PCDHGA11: variants seen among roughly 807,000 people sequenced by gnomAD.
PCDHGA11 encodes protocadherin gamma-A11.
In PCDHGA11, 39 loss-of-function variants were observed where a neutral mutation model predicts 60.4. That is an observed-to-expected ratio of 0.65 (90% CI 0.50 to 0.84). The LOEUF is 0.84. Among genes scored for constraint, PCDHGA11 ranks in the 40% least tolerant of loss-of-function variants. PCDHGA11 has a pLI of 0.00. For synonymous variants in PCDHGA11, 533 were observed against 510.3 expected (o/e 1.04, Z -0.60); for missense variants, 1,165 against 1,197.7 (o/e 0.97, Z 0.40).
intron 1 of PCDHGA11, among the ~76,000 whole-genome samples, chr5:141,460,454 T>C (rs1010186960): frequency 6.6e-6 from 1 of 152,194 alleles, no homozygotes; most frequent in Admixed American, 6.6e-5. Context: ...TGAAGATTCA[T>C]ATTTTTTTCC....
chr5:141,454,464 T>C (rs1365696226), intron 1 of PCDHGA11, among the ~76,000 whole-genome samples: 1 of 152,196 alleles, frequency 6.6e-6, no homozygotes, highest in Non-Finnish European at 1.5e-5. Flanking sequence ...TGGAGTGCAA[T>C]GGCATGATCT....
rs2099746867 is a variant in PCDHGA11, at chr5:141,493,199, C to T, written c.2434-1608C>T. Among the ~76,000 whole-genome samples the T allele has an allele frequency of 6.6e-6, 1 of 152,168 alleles. No individual in the cohort carries two copies. Among genetic ancestry groups the T allele is most frequent in the Non-Finnish European group, 1.5e-5 (1 of 68,020 alleles). ...CTTACTATATAACTCCTTTGAGAAC[C>T]TCATCTCATTTGCTCTTCCCACCAT... On this transcript the variant is annotated intron_variant, in intron 1 of 3. Coordinates refer to ENST00000398587, the MANE Select transcript of PCDHGA11 (RefSeq NM_018914.3). This position sits in a 1 kb window ranked among gnomAD's most constrained non-coding sequence, Gnocchi z 4.3.
rs1292277026 is a variant in PCDHGA11 at position 141,489,814 on chromosome 5, CCA to C, written c.2434-4992_2434-4991del. 6 of 1,614,024 alleles carry C rather than the reference CCA, an allele frequency of 3.7e-6. No homozygotes were observed. Among genetic ancestry groups the C allele is most frequent in the Non-Finnish European group, 8.5e-7 (1 of 1,180,004 alleles). ...GACCCTAAAAGATGGGAAGCCATTC[CCA>C]GAGCTGGTGCTAGAGCAGCAGCTGG... On this transcript the variant is annotated intron_variant, in intron 1 of 3. Transcript: ENST00000398587. This position sits in a 1 kb window ranked among gnomAD's most constrained non-coding sequence, Gnocchi z 4.5.
rs185055424 is a variant in PCDHGA11, at chr5:141,457,894, G to A, written c.2433+34234G>A. Among the ~76,000 whole-genome samples the A allele has an allele frequency of 3.2e-3, 488 of 152,332 alleles. 1 individual carries two copies. Among genetic ancestry groups the A allele is most frequent in the Non-Finnish European group, 5.0e-3 (342 of 68,028 alleles). On this transcript the variant is annotated intron_variant, in intron 1 of 3. Transcript: ENST00000398587. ...GTTAGGAACCCTGTGTGGGGACTGT[G>A]TAGACAAGGTGTGAGGCCAGTTCTC...
chr5:141,447,541 A>G (rs2098542324), intron 1 of PCDHGA11, among the ~76,000 whole-genome samples: 1 of 152,218 alleles, frequency 6.6e-6, no homozygotes, highest in Non-Finnish European at 1.5e-5. Flanking sequence ...TTGGGTTTTA[A>G]TGTTATGAGT....
At chr5:141,465,488 G>A (rs2099104080) in intron 1 of PCDHGA11, among the ~76,000 whole-genome samples, 1 of 152,224 alleles carries the variant, frequency 6.6e-6, no homozygotes. Flanking sequence ...AGAGGAATGA[G>A]CGGGAGCATT....
intron 1 of PCDHGA11, among the ~76,000 whole-genome samples, chr5:141,437,505 A>G (rs1429147239): frequency 6.6e-6 from 1 of 152,204 alleles, no homozygotes; most frequent in Non-Finnish European, 1.5e-5. Context: ...TTTTCAATGA[A>G]TTATAAGGCT....
Position 141,432,038 on chromosome 5 carries a change from C to A in PCDHGA11, c.2433+8378C>A. On this transcript the variant is annotated intron_variant, in intron 1 of 3. Transcript: ENST00000398587. The surrounding 1 kb of genome is among the most constrained non-coding windows in gnomAD (Gnocchi z 6.0). ...CAACATCACAGTGACCGCCACTGAC[C>A]GGGGAACCCCGCCCCTATCCACGGA... 1 of 1,614,190 alleles carries A rather than the reference C, an allele frequency of 6.2e-7. No homozygotes were observed. The highest frequency in any genetic ancestry group is 1.1e-5 in the South Asian group (1 of 91,072).
intron 1 of PCDHGA11, among the ~76,000 whole-genome samples, chr5:141,474,463 T>C (rs1447737626): frequency 6.6e-6 from 1 of 152,228 alleles, no homozygotes; most frequent in Admixed American, 6.5e-5. Flanking sequence ...GCTATACTCT[T>C]TATTCTAAAT....
intron 1 of PCDHGA11, among the ~76,000 whole-genome samples, chr5:141,449,281 G>A (rs1051064124): frequency 6.6e-6 from 1 of 151,946 alleles, no homozygotes; most frequent in Non-Finnish European, 1.5e-5. Context: ...TCCTTCACCC[G>A]GATGCACCGG....
chr5:141,462,125 A>G (rs918645911), intron 1 of PCDHGA11, among the ~76,000 whole-genome samples: 24 of 151,688 alleles, frequency 1.6e-4, no homozygotes, highest in African/African-American at 5.6e-4. Flanking sequence ...ACCCAGTCCA[A>G]TTTTTTGTAT....
chr5:141,434,768 T>C (rs6580188), intron 1 of PCDHGA11, among the ~76,000 whole-genome samples: 81,499 of 151,296 alleles, frequency 0.54, 23,977 homozygotes, highest in African/African-American at 0.79. Context: ...CACTTCACAC[T>C]TCTAAAAAAA....
At chr5:141,484,916 CCTG>C (rs34524370) in intron 1 of PCDHGA11, 64,782 of 456,708 alleles carry the variant, frequency 0.14, 4,878 homozygotes, top group African/African-American at 0.18. Context: ...ACGCATTAAC[CCTG>C]CTGCTGTTGG....
In PCDHGA11 at chr5:141,476,238, G is replaced by A; in HGVS notation, c.2434-18569G>A. The A allele has an allele frequency of 1.2e-6, 2 of 1,614,098 alleles. No individual in the cohort carries two copies. ...ATTCACTATGAGATCCCGGAGGAAAGAGAGAAGGGTTTCGCTGTGGGCAAC... is the reference window on the plus strand; with the variant it reads ...ATTCACTATGAGATCCCGGAGGAAAAAGAGAAGGGTTTCGCTGTGGGCAAC... On this transcript the variant is annotated intron_variant, in intron 1 of 3. Coordinates refer to ENST00000398587, the MANE Select transcript of PCDHGA11 (RefSeq NM_018914.3). The surrounding 1 kb of genome is among the most constrained non-coding windows in gnomAD (Gnocchi z 7.6).
At chr5:141,473,212 C>G (rs1311953997) in intron 1 of PCDHGA11, among the ~76,000 whole-genome samples, 1 of 152,012 alleles carries the variant, frequency 6.6e-6, no homozygotes, top group Non-Finnish European at 1.5e-5. Flanking sequence ...AAAATGCTTA[C>G]TTCCAGGGAG....
intron 1 of PCDHGA11, among the ~76,000 whole-genome samples, chr5:141,457,898 A>T (rs1035775197): frequency 6.6e-6 from 1 of 151,874 alleles, no homozygotes; most frequent in Non-Finnish European, 1.5e-5. Context: ...GACTGTGTAG[A>T]CAAGGTGTGA....
chr5:141,460,414 T>G (rs1289935272), intron 1 of PCDHGA11, among the ~76,000 whole-genome samples: 1 of 152,216 alleles, frequency 6.6e-6, no homozygotes, highest in Non-Finnish European at 1.5e-5. Context: ...GAGTTGATGT[T>G]TATGTATGGT....
In PCDHGA11 at chr5:141,490,706, T is replaced by C. The variant is rs777636562; in HGVS notation, c.2434-4101T>C. On this transcript the variant is annotated intron_variant, in intron 1 of 3. Coordinates refer to ENST00000398587, the MANE Select transcript of PCDHGA11 (RefSeq NM_018914.3). This position sits in a 1 kb window ranked among gnomAD's most constrained non-coding sequence, Gnocchi z 5.4. ...CCAGACACTGGGGATAATGCCCGCC[T>C]CACCTACTCCATTGTAGGAAATCAG... is the stretch of plus-strand genomic sequence containing the variant. The C allele has an allele frequency of 6.2e-7, 1 of 1,614,074 alleles. No homozygotes were observed. Among genetic ancestry groups the C allele is most frequent in the African/African-American group, 1.3e-5 (1 of 74,948 alleles).
chr5:141,456,098 C>A (rs1222639126), intron 1 of PCDHGA11, among the ~76,000 whole-genome samples: 1 of 151,980 alleles, frequency 6.6e-6, no homozygotes. Context: ...GGGATTTCAC[C>A]GTGTTAGCCA....
Sources: gnomAD v4.1 joint callset for allele counts (sites outside exome capture counted in the v4.1 genomes callset) on GRCh38, gnomAD v4.1.1 for gene constraint, Gnocchi (gnomAD v3.1) non-coding constraint, MANE v1.5 for transcripts, NCBI Gene and HGNC (gene_info 2026-07-23, HGNC 2026-07-21) for gene names.